Variants in EIF2A observed in about 807,000 individuals in gnomAD.
The protein encoded by EIF2A is eukaryotic translation initiation factor 2A, also known as 65 kDa eukaryotic translation initiation factor 2A.
EIF2A carries 62 observed loss-of-function variants against 75.2 expected under a neutral mutation model. The observed-to-expected ratio is 0.82, with a 90% CI of 0.67 to 1.02. The LOEUF is 1.02. Ranked by LOEUF, EIF2A falls within the 50% of genes least tolerant of loss-of-function variation. The pLI is 0.00. For missense variants in EIF2A, 611 were observed against 677.7 expected (o/e 0.90, Z 1.09); for synonymous variants, 207 against 239.0 (o/e 0.87, Z 1.23).
intron 4 of EIF2A, among the ~76,000 whole-genome samples, chr3:150,563,267 C>A (rs1723987547): frequency 6.6e-6 from 1 of 152,050 alleles, no homozygotes; most frequent in Non-Finnish European, 1.5e-5. Context: ...TTTGTTCTTT[C>A]AAGAGGTATG....
In EIF2A at chr3:150,554,987, G is replaced by A. The variant is rs1723487012; in HGVS notation, c.98+2562G>A. On this transcript the variant is annotated intron_variant, in intron 2 of 13. Transcript: ENST00000460851. ...CTGCTGCCCAGGCTAGAATGGAGTG[G>A]TGTAATCATGGCCCACTGTAGCCTC... Among the ~76,000 whole-genome samples the A allele has an allele frequency of 3.3e-5, 5 of 152,120 alleles. No homozygotes were observed. The South Asian group carries it at 8.3e-4, about 25-fold the overall frequency.
chr3:150,548,923 A>T (rs1723179164), intron 1 of EIF2A, among the ~76,000 whole-genome samples: 1 of 152,178 alleles, frequency 6.6e-6, no homozygotes, highest in Non-Finnish European at 1.5e-5. Context: ...TTTTTCTTTC[A>T]CTAGAACAAA....
At chr3:150,556,694 TA>T (rs1723588653) in intron 2 of EIF2A, among the ~76,000 whole-genome samples, 2 of 152,222 alleles carry the variant, frequency 1.3e-5, no homozygotes, top group African/African-American at 4.8e-5. Flanking sequence ...ACTTTTTCTC[TA>T]TTTTTTGTGT....
chr3:150,581,773 T>C, intron 12 of EIF2A, 27 bp downstream of exon 12: 3 of 1,552,966 alleles, frequency 1.9e-6, no homozygotes, highest in Non-Finnish European at 2.6e-6. Flanking sequence ...CAGATGTGCA[T>C]ATTGAAAGGT....
At chr3:150,580,320 C>T (rs780663079) in intron 11 of EIF2A, among the ~76,000 whole-genome samples, 1 of 151,964 alleles carries the variant, frequency 6.6e-6, no homozygotes, top group Non-Finnish European at 1.5e-5. Context: ...CAGATAGTAC[C>T]GAACCCTATA....
At chr3:150,577,794 G>A (rs1724957725) in intron 11 of EIF2A, among the ~76,000 whole-genome samples, 1 of 151,250 alleles carries the variant, frequency 6.6e-6, no homozygotes, top group Non-Finnish European at 1.5e-5. Context: ...ATTTTGACAG[G>A]TCTAGGCTGG....
In EIF2A at chr3:150,563,441, CTT is replaced by C. The variant is rs535248443; in HGVS notation, c.293-73_293-72del. The C allele has an allele frequency of 2.0e-4, 253 of 1,246,340 alleles. No homozygotes were observed. In the African/African-American group the frequency reaches 3.6e-3, roughly 18 times the overall value. The allele number at this position is 1,246,340 out of a possible 1,614,324, so 77.2% of individuals were successfully genotyped here. ...CCATTTGATAGTAATCCATATCAAA[CTT>C]AATAAATAAGAAAAATAATCCCTTT... On this transcript the variant is annotated intron_variant, in intron 4 of 13. Coordinates refer to ENST00000460851, the MANE Select transcript of EIF2A (RefSeq NM_032025.5).
chr3:150,583,329 C>A, intron 13 of EIF2A, 64 bp downstream of exon 13: 1 of 1,495,850 alleles, frequency 6.7e-7, no homozygotes, highest in South Asian at 1.2e-5. Context: ...TTATTATAAA[C>A]AAGTATTTAG....
At chr3:150,564,616 A>G (rs1321483210) in intron 6 of EIF2A, 2 of 315,766 alleles carry the variant, frequency 6.3e-6, no homozygotes, top group Non-Finnish European at 1.2e-5. Flanking sequence ...AGACATTTGA[A>G]TATCTTTTCC....
At chr3:150,555,447 G>T (rs925692065) in intron 2 of EIF2A, among the ~76,000 whole-genome samples, 1 of 151,536 alleles carries the variant, frequency 6.6e-6, no homozygotes, top group Non-Finnish European at 1.5e-5. Context: ...TAGTAGAGAC[G>T]TGGTTTCACC....
intron 2 of EIF2A, among the ~76,000 whole-genome samples, chr3:150,553,512 G>A (rs1005951298): frequency 2.0e-5 from 3 of 151,992 alleles, no homozygotes; most frequent in Admixed American, 2.0e-4. Context: ...AGGTTCAAGC[G>A]ATTCTCCTGC....
chr3:150,572,708 T>C (rs1249872648), intron 10 of EIF2A, among the ~76,000 whole-genome samples, 179 bp downstream of exon 10: 1 of 151,908 alleles, frequency 6.6e-6, no homozygotes, highest in Non-Finnish European at 1.5e-5. Flanking sequence ...TAACAAAAAT[T>C]AGCTGGGCAT....
At chr3:150,566,168 T>C (rs1030666275) in intron 6 of EIF2A, 4 of 152,222 alleles carry the variant, frequency 2.6e-5, no homozygotes, top group Non-Finnish European at 4.4e-5. Flanking sequence ...ATTTTTCTTA[T>C]TGATGCTCAA....
chr3:150,581,185 A>G (rs1725158086), intron 11 of EIF2A, among the ~76,000 whole-genome samples: 1 of 152,252 alleles, frequency 6.6e-6, no homozygotes. Flanking sequence ...GCAGAGCTGA[A>G]TTGATCTGAT....
chr3:150,569,572 T>A (rs995800941), intron 9 of EIF2A, among the ~76,000 whole-genome samples: 4 of 152,152 alleles, frequency 2.6e-5, no homozygotes, highest in Non-Finnish European at 5.9e-5. Context: ...TACCCAGCAC[T>A]TTGGGAGGTT....
chr3:150,547,690 C>G (rs77123835), intron 1 of EIF2A, among the ~76,000 whole-genome samples: 3 of 152,140 alleles, frequency 2.0e-5, no homozygotes, highest in Non-Finnish European at 4.4e-5. Context: ...TCCCTTCCCC[C>G]CCGCGAAAGG....
In EIF2A at chr3:150,582,917, G is replaced by A. The variant is rs144541391; in HGVS notation, c.1627-283G>A. Reference sequence around the variant, plus strand: ...AGAAACATCACCCAGGTCCAATGGGGCATTGAAATGTGCCATTACTGATAC... The same window carrying A: ...AGAAACATCACCCAGGTCCAATGGGACATTGAAATGTGCCATTACTGATAC... On this transcript the variant is annotated intron_variant, in intron 12 of 13. Transcript: ENST00000460851. Among the ~76,000 whole-genome samples, 560 of 152,226 alleles carry A rather than the reference G, an allele frequency of 3.7e-3. 2 individuals are homozygous for A. Among genetic ancestry groups the A allele is most frequent in the African/African-American group, 0.013 (538 of 41,524 alleles).
At position 150,575,727 on chromosome 3, in the gene EIF2A, C is replaced by G; in HGVS notation, c.1462C>G (p.Gln488Glu). The part of the protein sequence containing the change: ...KPLSKTALKN[Q>E]RKHEAKKAAK... ...ATTATCAAAAACAGCTCTTAAAAAT[C>G]AAAGGAAGCATGAAGCTAAGAAAGC... is the stretch of plus-strand genomic sequence containing the variant. The change falls in exon 11 of 14, where the codon CAA becomes GAA. Residue 488 changes from glutamine to glutamate, a missense_variant. By Grantham distance (29) the Gln-to-Glu change is conservative. Coordinates refer to ENST00000460851, the MANE Select transcript of EIF2A (RefSeq NM_032025.5). 1 of 1,612,430 alleles carries G rather than the reference C, an allele frequency of 6.2e-7. No homozygotes were observed. The highest frequency in any genetic ancestry group is 1.1e-5 in the South Asian group (1 of 90,712).
chr3:150,582,354 G>A (rs1418564076), intron 12 of EIF2A, among the ~76,000 whole-genome samples: 6 of 148,520 alleles, frequency 4.0e-5, no homozygotes, highest in Non-Finnish European at 8.9e-5. Context: ...TTGCTCTGTC[G>A]ACCAGGTTGG....
Sources: allele counts gnomAD v4.1 joint callset (sites outside exome capture counted in the v4.1 genomes callset), GRCh38; gene constraint gnomAD v4.1.1; transcripts MANE v1.5; gene names NCBI Gene and HGNC (gene_info 2026-07-23, HGNC 2026-07-21).